The following CFAP300 variants were observed in gnomAD, a reference collection of about 807,000 sequenced individuals.
CFAP300 encodes the protein cilia and flagella associated protein 300.
CFAP300 carries 32 observed loss-of-function variants against 33.0 expected under a neutral mutation model. The observed-to-expected ratio is 0.97, with a 90% CI of 0.73 to 1.30. The LOEUF (loss-of-function observed/expected upper bound fraction) is 1.30. CFAP300 is among the 50% of genes most tolerant of loss of function. The pLI is 0.00. For synonymous variants in CFAP300, 102 were observed against 106.8 expected (o/e 0.95, Z 0.28); for missense variants, 356 against 318.1 (o/e 1.12, Z -0.90).
At chr11:102,074,686 A>G (rs886486019) in intron 4 of CFAP300, among the ~76,000 whole-genome samples, 1 of 148,220 alleles carries the variant, frequency 6.7e-6, no homozygotes. Context: ...GTCTTATTAT[A>G]TCTATATTTT....
chr11:102,080,685 C>T (rs1039487512), intron 5 of CFAP300, among the ~76,000 whole-genome samples: 8 of 152,132 alleles, frequency 5.3e-5, no homozygotes, highest in Non-Finnish European at 1.0e-4. Flanking sequence ...CAGCCATGAG[C>T]CACCGCGACC....
chr11:102,049,850 A>C (rs575697578), intron 2 of CFAP300, among the ~76,000 whole-genome samples: 6 of 150,950 alleles, frequency 4.0e-5, no homozygotes, highest in African/African-American at 1.5e-4. Flanking sequence ...AGAAATGTTA[A>C]GAAAAAAAAA....
intron 4 of CFAP300, among the ~76,000 whole-genome samples, chr11:102,074,874 G>A (rs1942373814): frequency 6.6e-6 from 1 of 151,826 alleles, no homozygotes; most frequent in African/African-American, 2.4e-5. Context: ...AGCTTATTTT[G>A]GGGGGTGGTT....
At chr11:102,057,339 C>CAA (rs68076980) in intron 2 of CFAP300, among the ~76,000 whole-genome samples, 11 of 129,962 alleles carry the variant, frequency 8.5e-5, no homozygotes, top group African/African-American at 3.1e-4. Flanking sequence ...AACTCCATCT[C>CAA]AAAAAAAAAA....
chr11:102,068,570 T>C (rs1288453948), intron 4 of CFAP300, among the ~76,000 whole-genome samples: 1 of 152,180 alleles, frequency 6.6e-6, no homozygotes, highest in African/African-American at 2.4e-5. Context: ...GCAGATCACC[T>C]GAGGTCAGGA....
chr11:102,054,690 T>C (rs950355127), intron 2 of CFAP300, among the ~76,000 whole-genome samples: 3 of 131,746 alleles, frequency 2.3e-5, no homozygotes, highest in African/African-American at 8.9e-5. Flanking sequence ...GATCGAACCA[T>C]TGCACTCCAG....
chr11:102,060,034 T>C (rs1942125950), intron 3 of CFAP300, among the ~76,000 whole-genome samples: 1 of 152,068 alleles, frequency 6.6e-6, no homozygotes, highest in African/African-American at 2.4e-5. Context: ...TGCAGTGGTG[T>C]GATCTCAGCT....
chr11:102,055,765 C>T (rs1389079993), intron 2 of CFAP300, among the ~76,000 whole-genome samples: 1 of 149,004 alleles, frequency 6.7e-6, no homozygotes, highest in South Asian at 2.2e-4. Context: ...CTCTGCCTCC[C>T]GGGTTCACTC....
chr11:102,056,209 G>A (rs1942054461), intron 2 of CFAP300, among the ~76,000 whole-genome samples: 1 of 151,952 alleles, frequency 6.6e-6, no homozygotes, highest in Non-Finnish European at 1.5e-5. Flanking sequence ...TTATTCAACT[G>A]TTTTTTTACT....
At chr11:102,061,469 G>GGTGCT (rs1307409910) in intron 3 of CFAP300, among the ~76,000 whole-genome samples, 2 of 152,196 alleles carry the variant, frequency 1.3e-5, no homozygotes, top group African/African-American at 4.8e-5. Flanking sequence ...GCCAGTTGTC[G>GGTGCT]GTGCTGTTTT....
At position 102,081,236 on chromosome 11, in the gene CFAP300, C is replaced by T; in HGVS notation, c.630C>T (p.Thr210=). Residue 210 remains threonine, a synonymous_variant, in exon 6 of 7, where the codon ACC becomes ACT. Transcript: ENST00000434758. ...DLVSVRKNPQ[T]KKIQITSSVF... ...TTAGTGTTCGAAAGAATCCTCAAAC[C>T]AAGAAAATACAGATTACCTCTTCTG... 1 of 1,609,826 alleles carries T rather than the reference C, an allele frequency of 6.2e-7. No individual in the cohort carries two copies. Among genetic ancestry groups the T allele is most frequent in the Non-Finnish European group, 8.5e-7 (1 of 1,179,170 alleles).
intron 5 of CFAP300, among the ~76,000 whole-genome samples, chr11:102,078,801 C>T (rs749886678): frequency 2.6e-5 from 4 of 152,104 alleles, no homozygotes; most frequent in Non-Finnish European, 5.9e-5. Context: ...CTCCGCCTAC[C>T]GAGTTCAAGC....
Position 102,066,617 on chromosome 11 carries a change from G to T in CFAP300, c.401G>T (p.Cys134Phe), listed in dbSNP as rs1445557934. The change falls in exon 4 of 7, where the codon TGT (cysteine) becomes TTT (phenylalanine). Residue 134 changes from cysteine (C) to phenylalanine (F), a missense_variant. By Grantham distance (205) the Cys-to-Phe change is radical (BLOSUM62 -2). Transcript: ENST00000434758. ...ATTGTTAAATGTTTAGATTCTTTTT[G>T]TGATCCATTTCTCATTTCTGATGAG... The part of the protein sequence containing the change: ...GHIVKCLDSF[C>F]DPFLISDELR... 3 of 1,607,816 alleles carry T rather than the reference G, an allele frequency of 1.9e-6. No homozygotes were observed. Among genetic ancestry groups the T allele is most frequent in the Non-Finnish European group, 2.5e-6 (3 of 1,178,526 alleles).
At position 102,047,955 on chromosome 11, in the gene CFAP300, A is replaced by C. The variant is rs7934495; in HGVS notation, c.192+59A>C. 0.49 allele frequency: 745,413 copies of C among 1,536,258 alleles called. 187,300 individuals are homozygous for C. The highest frequency in any genetic ancestry group is 0.76 in the East Asian group (33,453 of 43,892). On this transcript the variant is annotated intron_variant, in intron 2 of 6. Coordinates refer to ENST00000434758, the MANE Select transcript of CFAP300 (RefSeq NM_032930.3). ...CTGCGGATTTTTAAACTTCCCCCCA[A>C]GTTGGCATAGATTCTTGTGAACACG...
intron 5 of CFAP300, 126 bp from the exon 6 acceptor site, chr11:102,081,089 G>T: frequency 1.6e-6 from 1 of 638,616 alleles, no homozygotes; most frequent in Non-Finnish European, 2.5e-6. Flanking sequence ...AAACCACTTA[G>T]TTGGATAGTA....
intron 3 of CFAP300, among the ~76,000 whole-genome samples, chr11:102,059,175 T>C (rs1438905325): frequency 6.6e-6 from 1 of 152,194 alleles, no homozygotes; most frequent in Non-Finnish European, 1.5e-5. Context: ...TCTCTCTTTT[T>C]ATTCATATAA....
intron 3 of CFAP300, among the ~76,000 whole-genome samples, chr11:102,061,102 T>G (rs1399778401): frequency 6.6e-6 from 1 of 152,198 alleles, no homozygotes; most frequent in Non-Finnish European, 1.5e-5. Context: ...AACTTTATAC[T>G]AATTTTTGAA....
chr11:102,050,079 A>G (rs563383366), intron 2 of CFAP300, among the ~76,000 whole-genome samples: 3 of 152,212 alleles, frequency 2.0e-5, no homozygotes, highest in Admixed American at 6.5e-5. Context: ...TACTTGAGCT[A>G]TGATCGCACC....
chr11:102,070,054 A>G (rs1488032415), intron 4 of CFAP300, among the ~76,000 whole-genome samples: 3 of 152,146 alleles, frequency 2.0e-5, no homozygotes, highest in Non-Finnish European at 4.4e-5. Context: ...ATTCCTAAGT[A>G]CTTTATTCAC....
Sources: allele counts gnomAD v4.1 joint callset (sites outside exome capture counted in the v4.1 genomes callset), GRCh38; gene constraint gnomAD v4.1.1; transcripts MANE v1.5; gene names NCBI Gene and HGNC (gene_info 2026-07-23, HGNC 2026-07-21).